NDUFA5: variants seen among roughly 807,000 people sequenced by gnomAD.
The protein encoded by NDUFA5 is NADH:ubiquinone oxidoreductase subunit A5, also known as NADH dehydrogenase [ubiquinone] 1 alpha subcomplex subunit 5.
In NDUFA5, 11 loss-of-function variants were observed where a neutral mutation model predicts 19.8. That is an observed-to-expected ratio of 0.56 (90% CI 0.35 to 0.92). The LOEUF is 0.92. Ranked by LOEUF, NDUFA5 falls within the 40% of genes least tolerant of loss-of-function variation. The pLI is 0.01. For missense variants in NDUFA5, 109 were observed against 134.2 expected (o/e 0.81, Z 0.93); for synonymous variants, 47 against 46.8 (o/e 1.00, Z -0.01).
Position 123,537,289 on chromosome 7 carries a change from T to C in NDUFA5, c.*4830A>G, listed in dbSNP as rs867137253. 6.6e-6 allele frequency: 1 copy of C among 152,174 alleles called. No homozygotes were observed. The highest frequency in any genetic ancestry group is 1.5e-5 in the Non-Finnish European group (1 of 68,010). 9.4% of individuals were successfully genotyped at this position (152,174 alleles called of 1,614,324 possible). A position where few individuals can be genotyped will look rare whatever the true frequency, so the allele number is the denominator to read the frequency against. ...CTTGATAAAATCAAGCATTTCAAAG[T>C]ATCTCCTGTTGTTACTACAGGTTAA... On this transcript the variant is annotated 3_prime_UTR_variant, in exon 5 of 5. Transcript: ENST00000355749.
At chr7:123,586,032 T>C in the NDUFA5 span, among the ~76,000 whole-genome samples, 1 of 151,858 alleles carries the variant, frequency 6.6e-6, no homozygotes, top group Non-Finnish European at 1.5e-5. Context: ...AATGCTGCAA[T>C]GAATATGGAA....
upstream of NDUFA5, chr7:123,557,826 C>A (rs1562900978): frequency 3.1e-6 from 5 of 1,614,070 alleles, no homozygotes; most frequent in Non-Finnish European, 4.2e-6. Flanking sequence ...GACGCACAAC[C>A]CTTTGGGAAC....
chr7:123,593,505 G>C, the NDUFA5 span, among the ~76,000 whole-genome samples: 1 of 152,100 alleles, frequency 6.6e-6, no homozygotes, highest in African/African-American at 2.4e-5. Context: ...GTCTATAAAG[G>C]ATTTTATTTC....
the NDUFA5 span, among the ~76,000 whole-genome samples, chr7:123,566,023 A>AC: frequency 6.6e-6 from 1 of 152,184 alleles, no homozygotes; most frequent in East Asian, 1.9e-4. Flanking sequence ...CGTCTAAAAA[A>AC]AAAAAAAAGA....
chr7:123,542,276 ATCAGAACAAC>A, intron 4 of NDUFA5, 56 bp from the exon 5 acceptor site: 1 of 1,301,914 alleles, frequency 7.7e-7, no homozygotes, highest in Non-Finnish European at 1.1e-6. Context: ...ACAGATATTT[ATCAGAACAAC>A]TGAAATTTAA....
the NDUFA5 span, among the ~76,000 whole-genome samples, chr7:123,567,470 T>G: frequency 6.6e-6 from 1 of 152,214 alleles, no homozygotes; most frequent in Non-Finnish European, 1.5e-5. Flanking sequence ...GAGCTCTTGT[T>G]TATCCAAAAT....
At chr7:123,545,717 A>G (rs1272995467) in intron 3 of NDUFA5, 41 bp from the exon 4 acceptor site, 1 of 1,366,886 alleles carries the variant, frequency 7.3e-7, no homozygotes, top group East Asian at 2.3e-5. Context: ...AAGCATACTA[A>G]CTGAATGTTT....
At position 123,557,059 on chromosome 7, in the gene NDUFA5, A is replaced by C. The variant is rs1183845232; in HGVS notation, c.66+345T>G. On this transcript the variant is annotated intron_variant, in intron 2 of 4. Coordinates refer to ENST00000355749, the MANE Select transcript of NDUFA5 (RefSeq NM_005000.5). ...CCTTTAGTAAGCCTAAATATATGTA[A>C]TCCAACGCACCTAAGCAGAAACGGT... 2.6e-5 allele frequency: 14 copies of C among 529,882 alleles called. No individual in the cohort carries two copies. In the Admixed American group the frequency reaches 2.9e-4, roughly 11 times the overall value. 32.8% of individuals were successfully genotyped at this position (529,882 alleles called of 1,614,324 possible).
At chr7:123,570,976 T>C in the NDUFA5 span, among the ~76,000 whole-genome samples, 1 of 152,224 alleles carries the variant, frequency 6.6e-6, no homozygotes, top group South Asian at 2.1e-4. Flanking sequence ...TATTTCCATC[T>C]GTAAAACACA....
At chr7:123,542,495 T>C (rs940214357) in intron 4 of NDUFA5, among the ~76,000 whole-genome samples, 2 of 152,208 alleles carry the variant, frequency 1.3e-5, no homozygotes, top group Non-Finnish European at 2.9e-5. Flanking sequence ...CTTAATAATA[T>C]TTCACAAGTT....
rs1181321549 is a variant in NDUFA5, at chr7:123,537,485, GAT to G, written c.*4632_*4633del. On this transcript the variant is annotated 3_prime_UTR_variant, in exon 5 of 5. Coordinates refer to ENST00000355749, the MANE Select transcript of NDUFA5 (RefSeq NM_005000.5). ...CCCTTTTCTGAAACCTTTTAAGACAGATGTGTTTGATATTCACAATTTTTCAG... is the reference window on the plus strand; with the variant it reads ...CCCTTTTCTGAAACCTTTTAAGACAGGTGTTTGATATTCACAATTTTTCAG... 6.6e-6 allele frequency: 1 copy of G among 152,106 alleles called. No homozygotes were observed. The highest frequency in any genetic ancestry group is 1.9e-4 in the East Asian group (1 of 5,204). 9.4% of individuals were successfully genotyped at this position (152,106 alleles called of 1,614,324 possible).
At position 123,541,633 on chromosome 7, in the gene NDUFA5, A is replaced by G. The variant is rs1369817716; in HGVS notation, c.*486T>C. ...AAGATCACAGCTGAGGTTAACCATA[A>G]TTTCAAATTTTATCACCAGCCACTT... On this transcript the variant is annotated 3_prime_UTR_variant, in exon 5 of 5. Coordinates refer to ENST00000355749, the MANE Select transcript of NDUFA5 (RefSeq NM_005000.5). 1.3e-5 allele frequency: 2 copies of G among 152,206 alleles called. No homozygotes were observed. The highest frequency in any genetic ancestry group is 6.5e-5 in the Admixed American group (1 of 15,268). 9.4% of individuals were successfully genotyped at this position (152,206 alleles called of 1,614,324 possible). A position where few individuals can be genotyped will look rare whatever the true frequency, so the allele number is the denominator to read the frequency against.
the NDUFA5 span, among the ~76,000 whole-genome samples, chr7:123,579,169 G>A: frequency 6.3e-4 from 96 of 151,988 alleles, 1 homozygote; most frequent in South Asian, 3.1e-3. Context: ...TTATGTTTCT[G>A]TATTAATTCA....
At chr7:123,583,727 A>C in the NDUFA5 span, among the ~76,000 whole-genome samples, 6 of 152,054 alleles carry the variant, frequency 3.9e-5, no homozygotes, top group Admixed American at 3.9e-4. Flanking sequence ...CTGATCCTTA[A>C]GCATAAGAAC....
chr7:123,544,416 TGAAC>T (rs1390603637), intron 4 of NDUFA5, among the ~76,000 whole-genome samples: 1 of 149,724 alleles, frequency 6.7e-6, no homozygotes, highest in African/African-American at 2.5e-5. Flanking sequence ...GAGAATTGCT[TGAAC>T]CCGGGAGGCG....
Position 123,540,507 on chromosome 7 carries a change from TG to T in NDUFA5, c.*1611del, listed in dbSNP as rs2117441378. 1 of 152,292 alleles carries T rather than the reference TG, an allele frequency of 6.6e-6. No individual in the cohort carries two copies. Among genetic ancestry groups the T allele is most frequent in the South Asian group, 2.1e-4 (1 of 4,830 alleles). 9.4% of individuals were successfully genotyped at this position (152,292 alleles called of 1,614,324 possible). On this transcript the variant is annotated 3_prime_UTR_variant, in exon 5 of 5. Transcript: ENST00000355749. ...TAGAAAATTACCTTGAAAGTACCCA[TG>T]CAAACACACTTCAGCATCATGTTTT...
At chr7:123,566,340 C>T in the NDUFA5 span, among the ~76,000 whole-genome samples, 1 of 152,190 alleles carries the variant, frequency 6.6e-6, no homozygotes, top group Non-Finnish European at 1.5e-5. Context: ...CTATATTGGA[C>T]CTCTAGCCTC....
upstream of NDUFA5, among the ~76,000 whole-genome samples, chr7:123,560,412 A>G (rs905229696): frequency 3.9e-5 from 6 of 152,236 alleles, no homozygotes; most frequent in East Asian, 9.6e-4. Flanking sequence ...TCACAGTTGC[A>G]TAATCTTTTA....
the NDUFA5 span, among the ~76,000 whole-genome samples, chr7:123,569,638 A>C: frequency 6.6e-6 from 1 of 152,218 alleles, no homozygotes; most frequent in Non-Finnish European, 1.5e-5. Context: ...AGAAAGGTGG[A>C]CAAGGTTATT....
Sources: gnomAD v4.1 joint callset for allele counts (sites outside exome capture counted in the v4.1 genomes callset) on GRCh38, gnomAD v4.1.1 for gene constraint, MANE v1.5 for transcripts, NCBI Gene and HGNC (gene_info 2026-07-23, HGNC 2026-07-21) for gene names.